The following PIBF1 variants were observed in gnomAD, a reference collection of about 807,000 sequenced individuals.
The protein encoded by PIBF1 is progesterone immunomodulatory binding factor 1.
Under a neutral mutation model 112.5 loss-of-function variants are expected in PIBF1, and 90 were observed. The ratio of observed to expected loss-of-function variants is 0.80; its 90% CI spans 0.67 to 0.95. PIBF1 has a LOEUF of 0.95. PIBF1 is among the 40% of genes least tolerant of loss of function. PIBF1 has a pLI of 0.00. For missense variants in PIBF1, 915 were observed against 852.3 expected, an observed-to-expected ratio of 1.07 and a Z score of -0.92; for synonymous variants, 301 against 288.6, an observed-to-expected ratio of 1.04 and a Z score of -0.44.
intron 10 of PIBF1, among the ~76,000 whole-genome samples, chr13:72,871,770 G>A (rs1055320162): frequency 6.6e-6 from 1 of 152,218 alleles, no homozygotes. Context: ...AGAGTTCTAC[G>A]CAAGAACTCT....
intron 15 of PIBF1, among the ~76,000 whole-genome samples, chr13:72,966,482 C>T (rs1594285376): frequency 1.3e-5 from 2 of 152,084 alleles, no homozygotes; most frequent in Admixed American, 6.5e-5. Flanking sequence ...ATTAATTGTT[C>T]TATAAATAGT....
chr13:73,011,664 C>A (rs1198152251), intron 17 of PIBF1, among the ~76,000 whole-genome samples: 1 of 152,138 alleles, frequency 6.6e-6, no homozygotes, highest in Non-Finnish European at 1.5e-5. Flanking sequence ...CACACTCTAA[C>A]TGAAAGACTG....
In PIBF1 at chr13:72,995,280, G is replaced by A. The variant is rs145205204; in HGVS notation, c.2050-3542G>A. Among the ~76,000 whole-genome samples, 1,249 of 145,916 alleles carry A rather than the reference G, an allele frequency of 8.6e-3. 59 individuals are homozygous for A. Among genetic ancestry groups the A allele is most frequent in the East Asian group, 0.01 (52 of 5,020 alleles). Reference sequence around the variant, plus strand: ...CACACCACTGCACTCCAACCTGGGCGACAGAATGAGACTCCGTCTCAAAAA... The same window carrying A: ...CACACCACTGCACTCCAACCTGGGCAACAGAATGAGACTCCGTCTCAAAAA... On this transcript the variant is annotated intron_variant, in intron 16 of 17. Transcript: ENST00000326291.
chr13:72,843,141 A>G (rs568012639), intron 9 of PIBF1, among the ~76,000 whole-genome samples: 148 of 152,366 alleles, frequency 9.7e-4, no homozygotes, highest in African/African-American at 3.3e-3. Context: ...TAGGAAAGAA[A>G]CATGACTTAC....
At chr13:72,896,564 TGAAGG>T (rs1193842921) in intron 11 of PIBF1, among the ~76,000 whole-genome samples, 1 of 151,186 alleles carries the variant, frequency 6.6e-6, no homozygotes, top group Non-Finnish European at 1.5e-5. Flanking sequence ...GTACAAGAAG[TGAAGG>T]GAGAAATATT....
intron 16 of PIBF1, among the ~76,000 whole-genome samples, chr13:72,981,468 TG>T (rs2043156489): frequency 6.6e-6 from 1 of 151,968 alleles, no homozygotes; most frequent in Non-Finnish European, 1.5e-5. Flanking sequence ...AGACCACCAG[TG>T]TTACCTTTTC....
chr13:72,896,079 A>C (rs1212250717), intron 11 of PIBF1, among the ~76,000 whole-genome samples: 1 of 152,154 alleles, frequency 6.6e-6, no homozygotes, highest in Non-Finnish European at 1.5e-5. Flanking sequence ...CCACCAGAAT[A>C]GGTGCTGGTA....
At chr13:72,852,809 A>G (rs1892382) in intron 9 of PIBF1, among the ~76,000 whole-genome samples, 32,678 of 152,020 alleles carry the variant, frequency 0.21, 3,598 homozygotes, top group Middle Eastern at 0.27. Context: ...ATAATTTCCA[A>G]CCCAGTTTTT....
chr13:72,876,153 T>TTTTG (rs71099763), intron 10 of PIBF1, among the ~76,000 whole-genome samples: 2 of 147,250 alleles, frequency 1.4e-5, no homozygotes, highest in African/African-American at 5.0e-5. Flanking sequence ...TTTTTTTTTT[T>TTTTG]GCATGTGAAT....
intron 10 of PIBF1, among the ~76,000 whole-genome samples, chr13:72,872,418 A>G (rs1490869709): frequency 1.3e-5 from 2 of 152,212 alleles, no homozygotes; most frequent in Non-Finnish European, 2.9e-5. Context: ...CTAAAGCACC[A>G]TTTAGGTATA....
At chr13:72,815,267 A>G (rs9543128) in intron 5 of PIBF1, among the ~76,000 whole-genome samples, 16,778 of 152,326 alleles carry the variant, frequency 0.11, 1,270 homozygotes, top group Non-Finnish European at 0.17. Context: ...CAGCACAGAA[A>G]GAATAATCCA....
intron 12 of PIBF1, 59 bp downstream of exon 12, chr13:72,908,740 C>G (rs2040794473): frequency 6.8e-7 from 1 of 1,471,904 alleles, no homozygotes; most frequent in Admixed American, 2.0e-5. Flanking sequence ...CAAAAGACGC[C>G]TGACCTTATT....
At chr13:72,944,836 G>A (rs894556321) in intron 14 of PIBF1, among the ~76,000 whole-genome samples, 3 of 151,972 alleles carry the variant, frequency 2.0e-5, no homozygotes, top group African/African-American at 4.8e-5. Flanking sequence ...GCATAATCTC[G>A]GTTCACTGCA....
At chr13:72,992,326 A>G (rs1374294102) in intron 16 of PIBF1, among the ~76,000 whole-genome samples, 1 of 152,168 alleles carries the variant, frequency 6.6e-6, no homozygotes, top group African/African-American at 2.4e-5. Flanking sequence ...TTTAAAAAAT[A>G]TTTTGAAAAT....
intron 14 of PIBF1, among the ~76,000 whole-genome samples, chr13:72,960,243 G>T (rs1273433613): frequency 6.6e-6 from 1 of 151,992 alleles, no homozygotes; most frequent in Non-Finnish European, 1.5e-5. Flanking sequence ...CCTTAACTTT[G>T]TTTATAATAC....
chr13:73,014,052 T>G, intron 17 of PIBF1, among the ~76,000 whole-genome samples: 2 of 115,602 alleles, frequency 1.7e-5, no homozygotes, highest in East Asian at 2.9e-4. Context: ...TTCCCTTCCC[T>G]CCCCTCCCCT....
intron 5 of PIBF1, among the ~76,000 whole-genome samples, chr13:72,803,183 A>G (rs115987876): frequency 1.3e-5 from 2 of 152,260 alleles, no homozygotes; most frequent in African/African-American, 4.8e-5. Flanking sequence ...GTATAGAGGA[A>G]CAAAGAGAGT....
intron 17 of PIBF1, among the ~76,000 whole-genome samples, chr13:73,015,010 T>G (rs983730119): frequency 3.3e-5 from 5 of 152,152 alleles, no homozygotes; most frequent in Admixed American, 2.0e-4. Flanking sequence ...GATCTCAAAC[T>G]CCTGACCTCA....
chr13:72,831,187 A>G (rs935956638), intron 8 of PIBF1, among the ~76,000 whole-genome samples: 3 of 149,964 alleles, frequency 2.0e-5, no homozygotes, highest in Admixed American at 6.6e-5. Context: ...CAGTCTATCT[A>G]TTTTGTTGAT....
Sources: gnomAD v4.1 joint callset for allele counts (sites outside exome capture counted in the v4.1 genomes callset) on GRCh38, gnomAD v4.1.1 for gene constraint, MANE v1.5 for transcripts, NCBI Gene and HGNC (gene_info 2026-07-23, HGNC 2026-07-21) for gene names.